The following CADM2 variants were observed in gnomAD, a reference collection of about 807,000 sequenced individuals.
CADM2 encodes cell adhesion molecule 2.
Under a neutral mutation model 49.8 loss-of-function variants are expected in CADM2, and 12 were observed. That is an observed-to-expected ratio of 0.24 (90% confidence interval 0.15 to 0.39). CADM2 has a LOEUF of 0.39. CADM2 is among the 10% of genes least tolerant of loss of function. The pLI is 1.00. For missense variants in CADM2, 378 were observed against 492.3 expected (o/e 0.77, Z 2.20); for synonymous variants, 214 against 175.4 (o/e 1.22, Z -1.74).
intron 1 of CADM2, among the ~76,000 whole-genome samples, chr3:85,007,763 A>G (rs929045914): frequency 2.9e-4 from 44 of 152,186 alleles, no homozygotes; most frequent in Non-Finnish European, 2.9e-5. Flanking sequence ...GAGGCTGGCA[A>G]TTCTGTTATT....
intron 8 of CADM2, among the ~76,000 whole-genome samples, chr3:85,964,453 G>A (rs1398824084): frequency 2.0e-5 from 3 of 151,522 alleles, no homozygotes; most frequent in Non-Finnish European, 4.4e-5. Context: ...TTTATTGTTT[G>A]GGTGTCAGTG....
rs75321413 is a variant in CADM2 at position 85,074,549 on chromosome 3, A to C, written c.61+114881A>C. Among the ~76,000 whole-genome samples, 45 of 152,304 alleles carry C rather than the reference A, an allele frequency of 3.0e-4. 2 individuals are homozygous for C. In the East Asian group the frequency reaches 8.7e-3, roughly 29 times the overall value. ...TTTCACTGACATATACCAAGCAGTT[A>C]GAATAGTTCCTGGCACATAATTTGT... On this transcript the variant is annotated intron_variant, in intron 1 of 9. Coordinates refer to ENST00000383699, the MANE Select transcript of CADM2 (RefSeq NM_001167675.2).
chr3:85,854,657 G>A (rs761895613), intron 3 of CADM2, among the ~76,000 whole-genome samples: 2 of 151,996 alleles, frequency 1.3e-5, no homozygotes, highest in Admixed American at 6.6e-5. Flanking sequence ...GAGGGATAGC[G>A]TTAGGAGAAA....
rs1372200098 is a variant in CADM2, at chr3:86,073,528, T to C, written c.*6745T>C. 2 of 152,034 alleles carry C rather than the reference T, an allele frequency of 1.3e-5. No homozygotes were observed. The highest frequency in any genetic ancestry group is 2.4e-5 in the African/African-American group (1 of 41,452). The allele number at this position is 152,034 out of a possible 1,614,324, so 9.4% of individuals were successfully genotyped here. ...ACTTAGCGGCGCTTAAAATATGTCA[T>C]GTACAACTCTTATAAACATTTTTAC... On this transcript the variant is annotated 3_prime_UTR_variant, in exon 10 of 10. Transcript: ENST00000383699.
At chr3:85,486,311 TAGA>T (rs2039414992) in intron 1 of CADM2, among the ~76,000 whole-genome samples, 1 of 74,854 alleles carries the variant, frequency 1.3e-5, no homozygotes, top group Non-Finnish European at 3.6e-5. Context: ...GGGGGAACAA[TAGA>T]AATAGAAACA....
At chr3:85,546,724 A>G (rs1274019478) in intron 1 of CADM2, among the ~76,000 whole-genome samples, 1 of 152,136 alleles carries the variant, frequency 6.6e-6, no homozygotes, top group Non-Finnish European at 1.5e-5. Context: ...CCCTGCTAAT[A>G]TCTGTTTTCT....
At chr3:85,472,755 G>T (rs2038821636) in intron 1 of CADM2, among the ~76,000 whole-genome samples, 4 of 151,864 alleles carry the variant, frequency 2.6e-5, no homozygotes, top group Admixed American at 2.6e-4. Flanking sequence ...AACTACACAT[G>T]GTAGATCCTA....
chr3:85,021,634 G>C (rs1180786152), intron 1 of CADM2, among the ~76,000 whole-genome samples: 1 of 152,024 alleles, frequency 6.6e-6, no homozygotes. Context: ...AATTAGCCAG[G>C]CGTGGTGGTG....
intron 1 of CADM2, among the ~76,000 whole-genome samples, chr3:85,319,127 T>C (rs539357618): frequency 3.9e-5 from 6 of 152,154 alleles, no homozygotes; most frequent in Non-Finnish European, 8.8e-5. Flanking sequence ...AAGGTCAGAT[T>C]TTGTATTAGA....
chr3:85,599,472 C>T (rs1438030462), intron 1 of CADM2, among the ~76,000 whole-genome samples: 1 of 151,784 alleles, frequency 6.6e-6, no homozygotes, highest in Non-Finnish European at 1.5e-5. Flanking sequence ...GTTCAGAGCC[C>T]AAAACTGTTT....
intron 1 of CADM2, among the ~76,000 whole-genome samples, chr3:85,600,726 T>C (rs1289818792): frequency 6.6e-6 from 1 of 151,758 alleles, no homozygotes; most frequent in Non-Finnish European, 1.5e-5. Context: ...AAAATGGCTT[T>C]TGAATCAGTA....
rs370488876 is a variant in CADM2 at position 86,065,734 on chromosome 3, C to T, written c.1096+4C>T. 16 of 1,612,194 alleles carry T rather than the reference C, an allele frequency of 9.9e-6. No individual in the cohort carries two copies. Among genetic ancestry groups the T allele is most frequent in the South Asian group, 4.4e-5 (4 of 90,784 alleles). ...CGATATCTGGCAAGGCATAAAGGTA[C>T]GTTATATTTAGCCAGAGTACACAAT... On this transcript the variant is annotated splice_donor_region_variant and intron_variant, in intron 9 of 9. Transcript: ENST00000383699.
chr3:85,762,537 C>G (rs1233678471), intron 2 of CADM2, among the ~76,000 whole-genome samples: 1 of 151,808 alleles, frequency 6.6e-6, no homozygotes, highest in African/African-American at 2.4e-5. Context: ...TCCCTCCCCT[C>G]TTGAAACACT....
chr3:85,835,236 T>G (rs2074356543), intron 3 of CADM2, among the ~76,000 whole-genome samples: 1 of 151,528 alleles, frequency 6.6e-6, no homozygotes. Flanking sequence ...GATAGACATA[T>G]TTTGATAGCT....
rs6797704 is a variant in CADM2, at chr3:85,366,646, A to T, written c.62-359876A>T. ...ATAATAATTAACATGAACAAAATTA[A>T]TAAACTAACTTTCTAGTAGCATTTG... On this transcript the variant is annotated intron_variant, in intron 1 of 9. Transcript: ENST00000383699. Among the ~76,000 whole-genome samples the T allele has an allele frequency of 3.6e-3, 543 of 152,324 alleles. 4 individuals are homozygous for T. Among genetic ancestry groups the T allele is most frequent in the African/African-American group, 0.013 (522 of 41,584 alleles).
At chr3:85,240,838 T>A (rs940524490) in intron 1 of CADM2, among the ~76,000 whole-genome samples, 8 of 151,578 alleles carry the variant, frequency 5.3e-5, no homozygotes, top group Non-Finnish European at 8.9e-5. Context: ...TTTAACTTTT[T>A]AAATTTTTAA....
chr3:85,336,052 A>G (rs374493527), intron 1 of CADM2, among the ~76,000 whole-genome samples: 1 of 151,494 alleles, frequency 6.6e-6, no homozygotes, highest in Non-Finnish European at 1.5e-5. Context: ...CCCAAAATAT[A>G]TCTGGTACCC....
intron 5 of CADM2, among the ~76,000 whole-genome samples, chr3:85,909,754 C>T (rs1255561463): frequency 6.6e-6 from 1 of 152,108 alleles, no homozygotes; most frequent in East Asian, 1.9e-4. Context: ...GAAGGATACA[C>T]GTGGTATCAG....
intron 1 of CADM2, among the ~76,000 whole-genome samples, chr3:85,196,198 C>T (rs78486040): frequency 0.036 from 5,439 of 152,032 alleles, 125 homozygotes; most frequent in Middle Eastern, 0.058. Flanking sequence ...TGACAATTTG[C>T]CTTCATTTTA....
Sources: allele counts gnomAD v4.1 joint callset (sites outside exome capture counted in the v4.1 genomes callset), GRCh38; gene constraint gnomAD v4.1.1; transcripts MANE v1.5; gene names NCBI Gene and HGNC (gene_info 2026-07-23, HGNC 2026-07-21).